Variants in MALRD1 observed in about 807,000 individuals in gnomAD.
MALRD1 encodes MAM and LDL receptor class A domain containing 1.
Under a neutral mutation model 242.1 loss-of-function variants are expected in MALRD1, and 247 were observed. That is an observed-to-expected ratio of 1.02 (90% CI 0.92 to 1.13). The LOEUF is 1.13. MALRD1 is among the 50% of genes most tolerant of loss of function. The pLI is 0.00. For synonymous variants in MALRD1, 995 were observed against 866.6 expected (o/e 1.15, Z -2.60); for missense variants, 2,989 against 2,533.1 (o/e 1.18, Z -3.86).
At chr10:19,202,985 T>C (rs1460607120) in intron 14 of MALRD1, among the ~76,000 whole-genome samples, 4 of 152,174 alleles carry the variant, frequency 2.6e-5, no homozygotes, top group East Asian at 1.9e-4. Context: ...AATACCTTCC[T>C]ATATGGCTGT....
Position 19,624,878 on chromosome 10 carries a change from G to GAAAAA in MALRD1, c.6137+8972_6137+8976dup, listed in dbSNP as rs145042762. On this transcript the variant is annotated intron_variant, in intron 36 of 39. Transcript: ENST00000454679. ...ACAGAGGGAGACTATCTCAAAAAAG[G>GAAAAA]AAAAAAAAAAAAAAAAAAAAAGATC... Among the ~76,000 whole-genome samples, 4 of 119,936 alleles carry GAAAAA rather than the reference G, an allele frequency of 3.3e-5. No homozygotes were observed. The South Asian group carries it at 1.1e-3, about 34-fold the overall frequency. The allele number at this position is 119,936 out of a possible 152,430, so 78.7% of individuals were successfully genotyped here.
Position 19,155,141 on chromosome 10 carries a change from C to T in MALRD1, c.1625C>T (p.Thr542Ile). The change falls in exon 12 of 40, where the codon ACA (threonine) becomes ATA (isoleucine). Residue 542 changes from threonine (T) to isoleucine (I), a missense_variant. Transcript: ENST00000454679. Reference sequence around the variant, plus strand: ...GCCAAGCTTGGAAGTCCTGTTCTTACAAAATTGCTCACTGCCTCTACCCCA... The same window carrying T: ...GCCAAGCTTGGAAGTCCTGTTCTTATAAAATTGCTCACTGCCTCTACCCCA... Reference protein sequence around the residue: ...GVAKLGSPVLTKLLTASTPCQ... With the variant: ...GVAKLGSPVLIKLLTASTPCQ... The T allele has an allele frequency of 8.1e-6, 10 of 1,231,552 alleles. No homozygotes were observed. Among genetic ancestry groups the T allele is most frequent in the Non-Finnish European group, 6.1e-6 (6 of 987,866 alleles). 76.3% of individuals were successfully genotyped at this position (1,231,552 alleles called of 1,614,324 possible).
At chr10:19,166,553 C>A (rs940051041) in intron 13 of MALRD1, among the ~76,000 whole-genome samples, 1 of 152,000 alleles carries the variant, frequency 6.6e-6, no homozygotes, top group Non-Finnish European at 1.5e-5. Context: ...TTGTGTATTT[C>A]AAAATATTTA....
At chr10:19,278,474 CATCCATCCATCT>C (rs1333182133) in intron 19 of MALRD1, among the ~76,000 whole-genome samples, 10 of 152,054 alleles carry the variant, frequency 6.6e-5, no homozygotes, top group South Asian at 4.2e-4. Context: ...TCCATCCATC[CATCCATCCATCT>C]ATCCATCCAT....
intron 31 of MALRD1, among the ~76,000 whole-genome samples, 186 bp downstream of exon 31, chr10:19,498,832 A>G (rs1564393012): frequency 3.3e-5 from 5 of 152,224 alleles, no homozygotes; most frequent in Admixed American, 2.0e-4. Context: ...CAGAGCTGAC[A>G]CTGCTACAAC....
intron 28 of MALRD1, among the ~76,000 whole-genome samples, chr10:19,415,851 A>G (rs1033168409): frequency 9.8e-5 from 15 of 152,334 alleles, no homozygotes; most frequent in African/African-American, 3.1e-4. Context: ...AAATCTTTGT[A>G]AACAGCAGCC....
chr10:19,480,804 C>G (rs1212666212), intron 29 of MALRD1, among the ~76,000 whole-genome samples: 1 of 151,982 alleles, frequency 6.6e-6, no homozygotes, highest in Admixed American at 6.6e-5. Flanking sequence ...TCTCTTCTTC[C>G]TTCTTTCTAG....
At chr10:19,297,635 C>T (rs534552888) in intron 21 of MALRD1, among the ~76,000 whole-genome samples, 69 of 151,662 alleles carry the variant, frequency 4.5e-4, no homozygotes, top group African/African-American at 1.3e-3. Flanking sequence ...ATATTACTTT[C>T]GAAGGCATGT....
chr10:19,687,338 T>G (rs936177220), intron 36 of MALRD1, among the ~76,000 whole-genome samples: 5 of 152,194 alleles, frequency 3.3e-5, no homozygotes, highest in African/African-American at 9.6e-5. Flanking sequence ...ATTGTCAAGC[T>G]CATAAGGTGA....
intron 28 of MALRD1, among the ~76,000 whole-genome samples, chr10:19,398,723 A>T (rs903567064): frequency 2.0e-5 from 3 of 152,196 alleles, no homozygotes; most frequent in Non-Finnish European, 4.4e-5. Flanking sequence ...CATCTATCTT[A>T]TGTGCTCAAT....
chr10:19,700,117 A>G (rs1002414838), intron 38 of MALRD1, among the ~76,000 whole-genome samples: 7 of 152,012 alleles, frequency 4.6e-5, no homozygotes, highest in African/African-American at 1.2e-4. Flanking sequence ...CAAGCCAAAA[A>G]GTCAGAACTA....
chr10:19,415,396 A>C (rs1199710246), intron 28 of MALRD1, among the ~76,000 whole-genome samples: 1 of 152,170 alleles, frequency 6.6e-6, no homozygotes, highest in Non-Finnish European at 1.5e-5. Context: ...GACAAAATCA[A>C]TACTTTAAAG....
At chr10:19,094,508 A>G (rs1835947117) in intron 4 of MALRD1, among the ~76,000 whole-genome samples, 1 of 149,976 alleles carries the variant, frequency 6.7e-6, no homozygotes, top group Non-Finnish European at 1.5e-5. Flanking sequence ...CCCTAGTGAG[A>G]TGAACCCGGT....
At chr10:19,445,383 G>A (rs1143307) in intron 28 of MALRD1, among the ~76,000 whole-genome samples, 1 of 152,170 alleles carries the variant, frequency 6.6e-6, no homozygotes, top group Admixed American at 6.5e-5. Flanking sequence ...TGGAGGAGAA[G>A]AGACACTCTG....
intron 28 of MALRD1, among the ~76,000 whole-genome samples, chr10:19,442,704 C>T (rs747431455): frequency 8.5e-4 from 129 of 152,046 alleles, no homozygotes; most frequent in Non-Finnish European, 1.3e-3. Flanking sequence ...TTTGATGTGC[C>T]GCTGGGTTCG....
chr10:19,589,711 T>A (rs962288138), intron 33 of MALRD1, among the ~76,000 whole-genome samples: 8 of 152,178 alleles, frequency 5.3e-5, no homozygotes, highest in Admixed American at 5.2e-4. Flanking sequence ...TGTTTTTATT[T>A]TCTCATCTCT....
intron 21 of MALRD1, among the ~76,000 whole-genome samples, chr10:19,295,263 C>G (rs1402058389): frequency 6.6e-6 from 1 of 151,620 alleles, no homozygotes; most frequent in Non-Finnish European, 1.5e-5. Flanking sequence ...GTCTCAATTA[C>G]TCCTCAAAAA....
At chr10:19,358,233 T>C (rs1380343435) in intron 26 of MALRD1, among the ~76,000 whole-genome samples, 1 of 151,514 alleles carries the variant, frequency 6.6e-6, no homozygotes, top group Non-Finnish European at 1.5e-5. Context: ...TGTGTGTGTA[T>C]GAGTTTAATC....
chr10:19,630,648 T>C (rs1285866180), intron 36 of MALRD1, among the ~76,000 whole-genome samples: 3 of 152,156 alleles, frequency 2.0e-5, no homozygotes, highest in Admixed American at 6.6e-5. Context: ...ATTTTCTCCA[T>C]AGCAATGTAA....
Sources: allele counts gnomAD v4.1 joint callset (sites outside exome capture counted in the v4.1 genomes callset), GRCh38; gene constraint gnomAD v4.1.1; transcripts MANE v1.5; gene names NCBI Gene and HGNC (gene_info 2026-07-23, HGNC 2026-07-21).